Variants in SPIN1 observed in about 807,000 individuals in gnomAD.
The protein encoded by SPIN1 is spindlin-1.
In SPIN1, 3 loss-of-function variants were observed where a neutral mutation model predicts 26.0. The observed-to-expected ratio is 0.12, with a 90% CI of 0.05 to 0.30. SPIN1 has a LOEUF of 0.30. SPIN1 is among the 10% of genes least tolerant of loss of function. SPIN1 has a pLI of 1.00. For synonymous variants in SPIN1, 101 were observed against 116.5 expected, an observed-to-expected ratio of 0.87 and a Z score of 0.86; for missense variants, 126 against 333.4, an observed-to-expected ratio of 0.38 and a Z score of 4.84.
intron 2 of SPIN1, among the ~76,000 whole-genome samples, chr9:88,433,036 T>C (rs1187699472): frequency 6.6e-6 from 1 of 151,996 alleles, no homozygotes; most frequent in Non-Finnish European, 1.5e-5. Context: ...CTCATACTTG[T>C]TTATTTCATA....
At chr9:88,393,054 G>GTT (rs1026776945) in intron 1 of SPIN1, among the ~76,000 whole-genome samples, 5 of 151,612 alleles carry the variant, frequency 3.3e-5, no homozygotes, top group African/African-American at 1.2e-4. Context: ...AGTCTAGCCT[G>GTT]TTAGAGAAGC....
chr9:88,404,231 A>G (rs1445693009), intron 1 of SPIN1, among the ~76,000 whole-genome samples: 1 of 152,208 alleles, frequency 6.6e-6, no homozygotes, highest in Non-Finnish European at 1.5e-5. Flanking sequence ...TGGTGAGTGA[A>G]TGTGAAGGCC....
At chr9:88,421,412 C>T (rs1332937865) in intron 1 of SPIN1, among the ~76,000 whole-genome samples, 1 of 152,092 alleles carries the variant, frequency 6.6e-6, no homozygotes, top group African/African-American at 2.4e-5. Context: ...ATGTGATCCT[C>T]CTACCTCAGC....
At chr9:88,433,432 A>C (rs1269248358) in intron 2 of SPIN1, among the ~76,000 whole-genome samples, 1 of 151,908 alleles carries the variant, frequency 6.6e-6, no homozygotes, top group Admixed American at 6.6e-5. Context: ...GTTGCTGACG[A>C]GTTTCTTTGT....
At chr9:88,468,266 G>A in intron 4 of SPIN1, 106 bp from the exon 5 acceptor site, 1 of 772,254 alleles carries the variant, frequency 1.3e-6, no homozygotes, top group African/African-American at 1.8e-5. Context: ...CTAATACGTT[G>A]CATGGACAAA....
At chr9:88,395,288 G>C (rs1326711837) in intron 1 of SPIN1, among the ~76,000 whole-genome samples, 1 of 151,834 alleles carries the variant, frequency 6.6e-6, no homozygotes, top group Non-Finnish European at 1.5e-5. Flanking sequence ...GCAAATGTAA[G>C]CATATGTGTA....
At chr9:88,443,347 T>C (rs938249899) in intron 2 of SPIN1, among the ~76,000 whole-genome samples, 4 of 152,184 alleles carry the variant, frequency 2.6e-5, no homozygotes, top group Non-Finnish European at 5.9e-5. Flanking sequence ...AGTCTACTAA[T>C]AAGCCTGTCT....
At chr9:88,437,785 T>G (rs58656673) in intron 2 of SPIN1, among the ~76,000 whole-genome samples, 29,226 of 152,146 alleles carry the variant, frequency 0.19, 3,709 homozygotes, top group African/African-American at 0.36. Flanking sequence ...TTTTAAAAGT[T>G]TATTTTCCTC....
Position 88,458,014 on chromosome 9 carries a change from A to C in SPIN1, c.102-4482A>C, listed in dbSNP as rs796305410. ...TAAGGATTTTTTCTTGTTTGGTTTTAGTGTTGCTTTGGCTGGGGGATGAAA... is the reference window on the plus strand; with the variant it reads ...TAAGGATTTTTTCTTGTTTGGTTTTCGTGTTGCTTTGGCTGGGGGATGAAA... On this transcript the variant is annotated intron_variant, in intron 3 of 5. Transcript: ENST00000375859. 11 of 982,220 alleles carry C rather than the reference A, an allele frequency of 1.1e-5. No individual in the cohort carries two copies. The African/African-American group carries it at 1.6e-4, about 14-fold the overall frequency. The allele number at this position is 982,220 out of a possible 1,614,324, so 60.8% of individuals were successfully genotyped here.
intron 2 of SPIN1, among the ~76,000 whole-genome samples, chr9:88,441,417 G>GCA (rs1554695436): frequency 5.2e-4 from 78 of 149,064 alleles, no homozygotes; most frequent in African/African-American, 1.8e-3. Flanking sequence ...GTGTGTGTGC[G>GCA]CGCGCGCGCG....
At chr9:88,408,933 A>G (rs1176136728) in intron 1 of SPIN1, among the ~76,000 whole-genome samples, 4 of 150,952 alleles carry the variant, frequency 2.6e-5, no homozygotes, top group Non-Finnish European at 5.9e-5. Flanking sequence ...AAGTGTTGGG[A>G]TTACAGGCGT....
intron 2 of SPIN1, among the ~76,000 whole-genome samples, chr9:88,437,821 T>G (rs917170370): frequency 1.3e-5 from 2 of 152,208 alleles, no homozygotes; most frequent in African/African-American, 4.8e-5. Flanking sequence ...TAATATTCTC[T>G]TCTTTTTCTA....
intron 1 of SPIN1, among the ~76,000 whole-genome samples, chr9:88,421,802 C>T (rs953352744): frequency 2.0e-5 from 3 of 151,906 alleles, no homozygotes; most frequent in Admixed American, 6.6e-5. Context: ...ATGGTGTTGT[C>T]TAAGTTGCTT....
At chr9:88,400,980 T>C (rs1587772728) in intron 1 of SPIN1, among the ~76,000 whole-genome samples, 1 of 152,130 alleles carries the variant, frequency 6.6e-6, no homozygotes, top group African/African-American at 2.4e-5. Context: ...GCAACTGCGC[T>C]CCAGCCTGGG....
At chr9:88,457,820 G>A in intron 3 of SPIN1, 1 of 980,874 alleles carries the variant, frequency 1.0e-6, no homozygotes, top group Non-Finnish European at 1.2e-6. Context: ...ATATACATGA[G>A]AAAAAAATGT....
intron 1 of SPIN1, among the ~76,000 whole-genome samples, chr9:88,401,560 TATGTAATACAGTGTAA>T (rs1305837420): frequency 6.6e-6 from 1 of 152,170 alleles, no homozygotes; most frequent in Non-Finnish European, 1.5e-5. Context: ...TTACTCCTAG[TATGTAATACAGTGTAA>T]ATGCTATACA....
intron 3 of SPIN1, among the ~76,000 whole-genome samples, chr9:88,455,819 A>G (rs1828458804): frequency 6.6e-6 from 1 of 151,980 alleles, no homozygotes. Context: ...CTGTACAAAA[A>G]ATTAAACATT....
intron 5 of SPIN1, among the ~76,000 whole-genome samples, chr9:88,473,858 T>C (rs1828840568): frequency 6.6e-6 from 1 of 152,210 alleles, no homozygotes; most frequent in Admixed American, 6.5e-5. Flanking sequence ...CACAAAAATA[T>C]GGCAGTATGA....
In SPIN1 at chr9:88,442,857, C is replaced by T. The variant is rs538439533; in HGVS notation, c.53-6084C>T. Among the ~76,000 whole-genome samples, 131 of 152,072 alleles carry T rather than the reference C, an allele frequency of 8.6e-4. 1 individual carries two copies. Among genetic ancestry groups the T allele is most frequent in the African/African-American group, 3.0e-3 (126 of 41,498 alleles). On this transcript the variant is annotated intron_variant, in intron 2 of 5. Transcript: ENST00000375859. ...TCAGTCTTAGCTGGGTATGGTGGCG[C>T]ACGCCTGTAATCCCAGCACTTTGGG... is the stretch of plus-strand genomic sequence containing the variant.
Sources: gnomAD v4.1 joint callset for allele counts (sites outside exome capture counted in the v4.1 genomes callset) on GRCh38, gnomAD v4.1.1 for gene constraint, MANE v1.5 for transcripts, NCBI Gene and HGNC (gene_info 2026-07-23, HGNC 2026-07-21) for gene names.